EPHA5: variants seen among roughly 807,000 people sequenced by gnomAD.
The protein encoded by EPHA5 is ephrin type-A receptor 5.
EPHA5 carries 60 observed loss-of-function variants against 105.0 expected under a neutral mutation model. That is an observed-to-expected ratio of 0.57 (90% CI 0.46 to 0.71). The LOEUF (loss-of-function observed/expected upper bound fraction) is 0.71, where lower values mean the gene tolerates loss of function less well. Ranked by LOEUF, EPHA5 falls within the 30% of genes least tolerant of loss-of-function variation. The pLI, the probability that EPHA5 is intolerant of heterozygous loss-of-function variation, is 0.00. For missense variants in EPHA5, 1,218 were observed against 1,274.7 expected (o/e 0.96, Z 0.68); for synonymous variants, 513 against 449.1 (o/e 1.14, Z -1.80).
At chr4:65,442,840 G>T (rs535790421) in intron 5 of EPHA5, among the ~76,000 whole-genome samples, 1 of 152,200 alleles carries the variant, frequency 6.6e-6, no homozygotes, top group African/African-American at 2.4e-5. Context: ...GCCCCATAAG[G>T]TGAGAAGAAA....
At chr4:65,329,214 G>A (rs974585149) in intron 16 of EPHA5, among the ~76,000 whole-genome samples, 1 of 151,270 alleles carries the variant, frequency 6.6e-6, no homozygotes, top group Admixed American at 6.6e-5. Flanking sequence ...TGCCACAATT[G>A]TTTTCATATA....
chr4:65,630,168 T>C (rs1578631543), intron 2 of EPHA5, among the ~76,000 whole-genome samples: 1 of 151,918 alleles, frequency 6.6e-6, no homozygotes, highest in Non-Finnish European at 1.5e-5. Flanking sequence ...CTCTCTAAAA[T>C]AATCATTGGT....
At chr4:65,359,628 C>T (rs1717080097) in intron 11 of EPHA5, among the ~76,000 whole-genome samples, 1 of 151,470 alleles carries the variant, frequency 6.6e-6, no homozygotes, top group Non-Finnish European at 1.5e-5. Flanking sequence ...ACTTCACATC[C>T]AATTCACAAG....
At chr4:65,344,583 C>T (rs1722037709) in intron 14 of EPHA5, among the ~76,000 whole-genome samples, 1 of 152,110 alleles carries the variant, frequency 6.6e-6, no homozygotes, top group African/African-American at 2.4e-5. Context: ...GAATGTTTCC[C>T]TTGAGTGAAG....
chr4:65,542,131 G>T (rs1173329492), intron 3 of EPHA5, among the ~76,000 whole-genome samples: 3 of 151,788 alleles, frequency 2.0e-5, no homozygotes, highest in African/African-American at 2.4e-5. Flanking sequence ...ACATCAGAAA[G>T]TTAGAAATAT....
intron 5 of EPHA5, among the ~76,000 whole-genome samples, chr4:65,425,138 C>A (rs1020836285): frequency 2.6e-5 from 4 of 152,030 alleles, no homozygotes; most frequent in South Asian, 2.1e-4. Context: ...ATATTGAAAT[C>A]TTTTCAGTCT....
chr4:65,369,081 A>G (rs1718204643), intron 8 of EPHA5, among the ~76,000 whole-genome samples: 2 of 152,128 alleles, frequency 1.3e-5, no homozygotes, highest in Admixed American at 1.3e-4. Flanking sequence ...TTTTTAGCTT[A>G]TTGAATGGCA....
At chr4:65,613,758 C>T (rs968991522) in intron 2 of EPHA5, among the ~76,000 whole-genome samples, 2 of 152,000 alleles carry the variant, frequency 1.3e-5, no homozygotes, top group Non-Finnish European at 2.9e-5. Flanking sequence ...ATGTATACCT[C>T]ACTTATGGAA....
At chr4:65,510,408 A>G (rs1733504897) in intron 3 of EPHA5, among the ~76,000 whole-genome samples, 1 of 151,908 alleles carries the variant, frequency 6.6e-6, no homozygotes. Context: ...TATTCTCCAT[A>G]TGCCTGTTCC....
chr4:65,580,286 C>A lies in EPHA5; in HGVS notation c.910+21355G>T, dbSNP rs991581134. 4.6e-5 allele frequency among the ~76,000 whole-genome samples: 7 copies of A among 151,746 alleles called. 1 individual carries two copies. The highest frequency in any genetic ancestry group is 3.9e-4 in the Admixed American group (6 of 15,200). ...ACCAAACAATTTTACAGAATTAATACAAACAAACCTACAGAGCCAATAAAA... is the reference window on the plus strand; with the variant it reads ...ACCAAACAATTTTACAGAATTAATAAAAACAAACCTACAGAGCCAATAAAA... On this transcript the variant is annotated intron_variant, in intron 3 of 16. Transcript: ENST00000613740.
intron 16 of EPHA5, among the ~76,000 whole-genome samples, chr4:65,325,322 A>G (rs1719971439): frequency 6.6e-6 from 1 of 151,412 alleles, no homozygotes; most frequent in African/African-American, 2.4e-5. Context: ...CTTAATTATC[A>G]GAGAATAGAA....
intron 5 of EPHA5, among the ~76,000 whole-genome samples, chr4:65,473,450 C>T (rs971614177): frequency 6.6e-5 from 10 of 152,126 alleles, no homozygotes; most frequent in Non-Finnish European, 1.5e-4. Context: ...TTCTTCATAG[C>T]TGGGAGGCCT....
chr4:65,634,652 G>C (rs984424418), intron 2 of EPHA5, among the ~76,000 whole-genome samples: 1 of 151,684 alleles, frequency 6.6e-6, no homozygotes, highest in Non-Finnish European at 1.5e-5. Flanking sequence ...CATTATATTG[G>C]CATTTGCATT....
At chr4:65,661,124 T>TA (rs1749522653) in intron 1 of EPHA5, among the ~76,000 whole-genome samples, 1 of 152,310 alleles carries the variant, frequency 6.6e-6, no homozygotes, top group Non-Finnish European at 1.5e-5. Context: ...ATACAGATAA[T>TA]TGAGTTGAAG....
At chr4:65,491,715 T>G (rs574550818) in intron 4 of EPHA5, among the ~76,000 whole-genome samples, 60 of 152,180 alleles carry the variant, frequency 3.9e-4, no homozygotes, top group African/African-American at 1.4e-3. Context: ...ATATTTCCAC[T>G]AAAATATGAG....
chr4:65,427,124 A>G (rs1235974691), intron 5 of EPHA5, among the ~76,000 whole-genome samples: 1 of 151,832 alleles, frequency 6.6e-6, no homozygotes, highest in African/African-American at 2.4e-5. Flanking sequence ...TTTCATATTT[A>G]TATATAGAGA....
chr4:65,465,762 C>T (rs1006309512), intron 5 of EPHA5, among the ~76,000 whole-genome samples: 3 of 152,116 alleles, frequency 2.0e-5, no homozygotes, highest in East Asian at 1.9e-4. Context: ...AAAAGATCCC[C>T]GCTTTAGCTC....
In EPHA5 at chr4:65,617,706, A is replaced by T. The variant is rs28372653; in HGVS notation, c.247-15402T>A. Reference sequence around the variant, plus strand: ...ATAGTAAAGAAAGAAGGAAAGTTAAACTCAATTCTGTCACATGTTTTTAAG... The same window carrying T: ...ATAGTAAAGAAAGAAGGAAAGTTAATCTCAATTCTGTCACATGTTTTTAAG... On this transcript the variant is annotated intron_variant, in intron 2 of 16. Transcript: ENST00000613740. Among the ~76,000 whole-genome samples the T allele has an allele frequency of 2.1e-3, 316 of 152,200 alleles. 1 individual carries two copies. The highest frequency in any genetic ancestry group is 7.1e-3 in the African/African-American group (293 of 41,532).
chr4:65,654,488 A>G (rs2149534759), intron 1 of EPHA5, among the ~76,000 whole-genome samples: 1 of 151,632 alleles, frequency 6.6e-6, no homozygotes. Context: ...TACATCAGTA[A>G]ATAAAACAGG....
Sources: allele counts gnomAD v4.1 joint callset (sites outside exome capture counted in the v4.1 genomes callset), GRCh38; gene constraint gnomAD v4.1.1; transcripts MANE v1.5; gene names NCBI Gene and HGNC (gene_info 2026-07-23, HGNC 2026-07-21).